Variants in PDE4D observed in about 807,000 individuals in gnomAD.
PDE4D encodes the protein 3',5'-cyclic-AMP phosphodiesterase 4D.
A neutral mutation model predicts 87.4 loss-of-function variants in PDE4D; 24 were observed. That is an observed-to-expected ratio of 0.27 (90% CI 0.20 to 0.39). PDE4D has a LOEUF of 0.39. Among genes scored for constraint, PDE4D ranks in the 10% least tolerant of loss-of-function variants. The pLI is 1.00. For synonymous variants in PDE4D, 384 were observed against 383.2 expected (o/e 1.00, Z -0.02); for missense variants, 714 against 1,041.0 (o/e 0.69, Z 4.32).
chr5:59,863,375 T>G (rs1746556444), intron 1 of PDE4D, among the ~76,000 whole-genome samples: 1 of 152,192 alleles, frequency 6.6e-6, no homozygotes, highest in Non-Finnish European at 1.5e-5. Context: ...TGTTAATTTC[T>G]TACTATTTTT....
Position 59,212,839 on chromosome 5 carries a change from G to A in PDE4D, c.647+2938C>T, listed in dbSNP as rs139146546. ...TTCTGTCATTCGCCTATTTAACATT[G>A]TTTATTGTTATCTATGGGGCTGGTC... is the stretch of plus-strand genomic sequence containing the variant. On this transcript the variant is annotated intron_variant, in intron 2 of 14. Transcript: ENST00000340635. Among the ~76,000 whole-genome samples the A allele has an allele frequency of 2.0e-3, 302 of 151,882 alleles. 4 individuals are homozygous for A. Among genetic ancestry groups the A allele is most frequent in the African/African-American group, 7.0e-3 (292 of 41,458 alleles).
At chr5:59,828,162 T>A (rs999252880) in intron 1 of PDE4D, among the ~76,000 whole-genome samples, 2 of 151,938 alleles carry the variant, frequency 1.3e-5, no homozygotes. Flanking sequence ...AATGGCTTTT[T>A]AAAGATCTAA....
intron 2 of PDE4D, among the ~76,000 whole-genome samples, chr5:60,134,961 T>C (rs1779913947): frequency 6.6e-6 from 1 of 152,142 alleles, no homozygotes; most frequent in South Asian, 2.1e-4. Context: ...ATTAGTAAAC[T>C]CTGCTCTGAA....
intron 1 of PDE4D, among the ~76,000 whole-genome samples, chr5:60,307,410 T>G (rs576064696): frequency 2.4e-4 from 37 of 152,290 alleles, no homozygotes; most frequent in Non-Finnish European, 4.9e-4. Context: ...AAGATTTTAG[T>G]ATAAGTAAAT....
chr5:59,258,631 G>A (rs1456826365), intron 1 of PDE4D, among the ~76,000 whole-genome samples: 1 of 149,022 alleles, frequency 6.7e-6, no homozygotes, highest in East Asian at 2.0e-4. Context: ...TCTAAGAACT[G>A]AGATACATTG....
chr5:59,423,036 G>A (rs570671301), intron 1 of PDE4D, among the ~76,000 whole-genome samples: 47 of 152,244 alleles, frequency 3.1e-4, no homozygotes, highest in African/African-American at 1.0e-3. Context: ...TCTCCAAAAT[G>A]AAATAAAGAA....
At chr5:60,512,908 G>A (rs1750638834) in intron 1 of PDE4D, among the ~76,000 whole-genome samples, 1 of 152,090 alleles carries the variant, frequency 6.6e-6, no homozygotes, top group African/African-American at 2.4e-5. Context: ...ATGTCCTGAG[G>A]GGGTTAATAT....
intron 1 of PDE4D, among the ~76,000 whole-genome samples, chr5:60,463,563 T>C (rs1258250470): frequency 6.6e-6 from 1 of 152,176 alleles, no homozygotes; most frequent in South Asian, 2.1e-4. Flanking sequence ...GGGACCTTTC[T>C]ACCCTTAGTA....
intron 1 of PDE4D, among the ~76,000 whole-genome samples, chr5:59,729,169 T>C (rs2150593567): frequency 1.3e-5 from 2 of 152,208 alleles, no homozygotes; most frequent in Admixed American, 1.3e-4. Context: ...GCCTGACACA[T>C]AGGCCTGCCT....
At chr5:59,721,526 T>C (rs1360471838) in intron 1 of PDE4D, among the ~76,000 whole-genome samples, 2 of 152,184 alleles carry the variant, frequency 1.3e-5, no homozygotes, top group African/African-American at 4.8e-5. Context: ...GTGAGGTAGA[T>C]GCTAGTATTG....
chr5:59,382,136 C>T lies in PDE4D; in HGVS notation c.456-166168G>A, dbSNP rs570178624. Among the ~76,000 whole-genome samples the T allele has an allele frequency of 2.6e-5, 4 of 152,232 alleles. No homozygotes were observed. In the East Asian group the frequency reaches 7.7e-4, roughly 29 times the overall value. ...CTGACACAGACCCCGCACTACAATC[C>T]TCTTCCTTATACTTGACACAGAAAT... is the stretch of plus-strand genomic sequence containing the variant. On this transcript the variant is annotated intron_variant, in intron 1 of 14. Transcript: ENST00000340635.
intron 1 of PDE4D, among the ~76,000 whole-genome samples, chr5:59,374,343 C>G (rs1234296751): frequency 6.6e-6 from 1 of 151,936 alleles, no homozygotes; most frequent in Non-Finnish European, 1.5e-5. Context: ...ATCTACCAAG[C>G]AAATGAAAAA....
intron 3 of PDE4D, among the ~76,000 whole-genome samples, chr5:59,907,699 C>T (rs575854434): frequency 1.1e-4 from 16 of 152,190 alleles, no homozygotes; most frequent in African/African-American, 3.4e-4. Context: ...CATCTTTGAG[C>T]GAAAAATGAG....
intron 3 of PDE4D, among the ~76,000 whole-genome samples, chr5:59,189,244 G>GTTTTTTTTTTTTTTTTTT (rs1392753870): frequency 1.1e-5 from 1 of 91,390 alleles, no homozygotes; most frequent in South Asian, 3.2e-4. Context: ...TTTTTTTTTT[G>GTTTTTTTTTTTTTTTTTT]TTTTTTTTGT....
At chr5:59,783,809 G>A (rs1215816850) in intron 1 of PDE4D, among the ~76,000 whole-genome samples, 2 of 152,192 alleles carry the variant, frequency 1.3e-5, no homozygotes, top group African/African-American at 4.8e-5. Context: ...GCTCACACCT[G>A]TAACCCCAGC....
At chr5:60,384,798 C>T (rs904215018) in intron 1 of PDE4D, among the ~76,000 whole-genome samples, 1 of 152,134 alleles carries the variant, frequency 6.6e-6, no homozygotes, top group African/African-American at 2.4e-5. Flanking sequence ...ACTGGGGTGT[C>T]GCAACTAGTC....
chr5:59,816,836 G>A (rs1479147090), intron 1 of PDE4D, among the ~76,000 whole-genome samples: 1 of 152,188 alleles, frequency 6.6e-6, no homozygotes, highest in East Asian at 1.9e-4. Flanking sequence ...TATCGTGGGT[G>A]GGAGAAGTTA....
At chr5:59,768,524 TTG>T in intron 1 of PDE4D, 1 of 1,597,368 alleles carries the variant, frequency 6.3e-7, no homozygotes. Context: ...CTGGTCAACT[TTG>T]TACAGCTGGC....
At chr5:60,474,134 ATATATATATATATATAAC>A (rs1250971643) in intron 1 of PDE4D, among the ~76,000 whole-genome samples, 4 of 97,692 alleles carry the variant, frequency 4.1e-5, no homozygotes, top group African/African-American at 2.4e-4. Context: ...ATATATATAT[ATATATATATATATATAAC>A]AAAAACCTTA....
Sources: gnomAD v4.1 joint callset for allele counts (sites outside exome capture counted in the v4.1 genomes callset) on GRCh38, gnomAD v4.1.1 for gene constraint, MANE v1.5 for transcripts, NCBI Gene and HGNC (gene_info 2026-07-23, HGNC 2026-07-21) for gene names.